The following CEMIP variants were observed in gnomAD, a reference collection of about 807,000 sequenced individuals.
CEMIP encodes the protein cell migration-inducing and hyaluronan-binding protein.
A neutral mutation model predicts 156.9 loss-of-function variants in CEMIP; 105 were observed. The observed-to-expected ratio is 0.67, with a 90% CI of 0.57 to 0.79. CEMIP has a LOEUF of 0.79. Among genes scored for constraint, CEMIP ranks in the 30% least tolerant of loss-of-function variants. The pLI, the probability that CEMIP is intolerant of heterozygous loss-of-function variation, is 0.00. For synonymous variants in CEMIP, 676 were observed against 668.4 expected (o/e 1.01, Z -0.17); for missense variants, 1,457 against 1,769.4 (o/e 0.82, Z 3.17).
intron 1 of CEMIP, among the ~76,000 whole-genome samples, chr15:80,862,660 G>A (rs1399173949): frequency 6.6e-6 from 1 of 152,224 alleles, no homozygotes; most frequent in Non-Finnish European, 1.5e-5. Context: ...ACTGGGGGGA[G>A]AATCCCTCAT....
At chr15:80,925,143 A>ATC (rs1437392567) in intron 18 of CEMIP, among the ~76,000 whole-genome samples, 2 of 152,236 alleles carry the variant, frequency 1.3e-5, no homozygotes, top group Non-Finnish European at 2.9e-5. Context: ...GTAATTAGCA[A>ATC]AACCAATCTC....
intron 6 of CEMIP, 59 bp from the exon 7 acceptor site, chr15:80,884,116 A>C: frequency 1.3e-6 from 2 of 1,543,576 alleles, no homozygotes; most frequent in Non-Finnish European, 1.8e-6. Context: ...ATGTGCTTAG[A>C]GCTCTTTGTT....
In CEMIP at chr15:80,949,151, A is replaced by C; in HGVS notation, c.*227A>C. 3.3e-6 allele frequency: 2 copies of C among 599,564 alleles called. No homozygotes were observed. The highest frequency in any genetic ancestry group is 2.7e-5 in the Admixed American group (1 of 36,448). 37.1% of individuals were successfully genotyped at this position (599,564 alleles called of 1,614,324 possible). On this transcript the variant is annotated 3_prime_UTR_variant, in exon 30 of 30. Transcript: ENST00000394685. The stretch of plus-strand genomic sequence containing the variant: ...CTGGGGCGGTGCTGGCCAATGCTGG[A>C]AACATTCACTTTCCTGCAGCCTCTT...
rs1899818448 is a variant in CEMIP, at chr15:80,906,682, C to T, written c.1431C>T (p.His477=). 3.1e-6 allele frequency: 5 copies of T among 1,613,750 alleles called. No individual in the cohort carries two copies. Among genetic ancestry groups the T allele is most frequent in the South Asian group, 1.1e-5 (1 of 91,070 alleles). ...CCCTAGGGAAACCAATGTACCTGCA[C>T]ATCGGGGAGGAGATAGACGGCGTGG... ...VKVAGKPMYL[H]IGEEIDGVDM... Residue 477 remains histidine, a synonymous_variant, in exon 13 of 30, where the codon CAC becomes CAT. Coordinates refer to ENST00000394685, the MANE Select transcript of CEMIP (RefSeq NM_001293298.2). The surrounding 1 kb of genome is among the most constrained non-coding windows in gnomAD (Gnocchi z 4.3).
chr15:80,925,851 A>C, intron 19 of CEMIP, 96 bp downstream of exon 19: 1 of 1,501,808 alleles, frequency 6.7e-7, no homozygotes, highest in South Asian at 1.3e-5. Context: ...AGAGAGGGGA[A>C]GCCAGACATA....
At chr15:80,795,145 A>C (rs1176069833) in intron 1 of CEMIP, among the ~76,000 whole-genome samples, 2 of 152,132 alleles carry the variant, frequency 1.3e-5, no homozygotes, top group East Asian at 3.9e-4. Context: ...GAAGGGGATC[A>C]TGCAGCATCT....
At chr15:80,928,817 G>A in intron 19 of CEMIP, 85 bp from the exon 20 acceptor site, 4 of 1,549,792 alleles carry the variant, frequency 2.6e-6, no homozygotes, top group Non-Finnish European at 1.8e-6. Flanking sequence ...TTGACTCCAA[G>A]GGCAGGGAAG....
Position 80,895,134 on chromosome 15 carries a change from C to T in CEMIP, c.1219+12C>T, listed in dbSNP as rs1319285949. On this transcript the variant is annotated intron_variant, in intron 11 of 29. Transcript: ENST00000394685. ...CTGTGGGAAGCCTGGTAAGCAGCCC[C>T]TTGTCGGGGACACAGATGCAACTAT... is the stretch of plus-strand genomic sequence containing the variant. 3.1e-6 allele frequency: 5 copies of T among 1,614,002 alleles called. No homozygotes were observed. The highest frequency in any genetic ancestry group is 1.3e-5 in the African/African-American group (1 of 74,934).
chr15:80,838,312 C>T (rs918402095), intron 1 of CEMIP, among the ~76,000 whole-genome samples: 3 of 152,064 alleles, frequency 2.0e-5, no homozygotes, highest in African/African-American at 7.2e-5. Flanking sequence ...CCTGCTGGCC[C>T]GTGGGTGATG....
intron 1 of CEMIP, among the ~76,000 whole-genome samples, chr15:80,855,665 G>A (rs1362064736): frequency 2.6e-5 from 4 of 152,090 alleles, no homozygotes; most frequent in Admixed American, 1.3e-4. Flanking sequence ...TGGGACCATA[G>A]GCATATGCCA....
intron 1 of CEMIP, among the ~76,000 whole-genome samples, chr15:80,851,622 T>C (rs1897718528): frequency 6.6e-6 from 1 of 152,096 alleles, no homozygotes; most frequent in South Asian, 2.1e-4. Flanking sequence ...CCTCCAGGCA[T>C]TGGTGCTGGA....
chr15:80,926,165 AGAC>A (rs1469021648), intron 19 of CEMIP, among the ~76,000 whole-genome samples: 2 of 152,242 alleles, frequency 1.3e-5, no homozygotes, highest in African/African-American at 4.8e-5. Context: ...TCCATTTTAG[AGAC>A]GATAAACTGA....
chr15:80,817,573 C>T (rs1436086118), intron 1 of CEMIP, among the ~76,000 whole-genome samples: 1 of 150,320 alleles, frequency 6.7e-6, no homozygotes, highest in Admixed American at 6.7e-5. Flanking sequence ...TGCACTCCAG[C>T]CTGAGTGACA....
At chr15:80,899,821 G>T (rs1371635404) in intron 12 of CEMIP, among the ~76,000 whole-genome samples, 3 of 152,326 alleles carry the variant, frequency 2.0e-5, no homozygotes, top group Non-Finnish European at 4.4e-5. Context: ...AAACCCTTGG[G>T]TCTTCACTGA....
intron 29 of CEMIP, 168 bp from the exon 30 acceptor site, chr15:80,948,629 G>A: frequency 1.1e-6 from 1 of 886,044 alleles, no homozygotes. Context: ...ACACATGTCA[G>A]GCACCATCAG....
chr15:80,943,184 C>A, intron 28 of CEMIP, 82 bp downstream of exon 28: 2 of 1,438,246 alleles, frequency 1.4e-6, no homozygotes, highest in Non-Finnish European at 9.8e-7. Context: ...TCACAAAGGC[C>A]CTCATCACAG....
Position 80,878,733 on chromosome 15 carries a change from G to A in CEMIP, c.107G>A (p.Cys36Tyr). The A allele has an allele frequency of 6.2e-7, 1 of 1,614,122 alleles. No homozygotes were observed. The highest frequency in any genetic ancestry group is 8.5e-7 in the Non-Finnish European group (1 of 1,180,020). Residue 36 changes from cysteine to tyrosine, a missense_variant, in exon 4 of 30, where the codon TGC becomes TAC. By Grantham distance (194) the Cys-to-Tyr change is radical (BLOSUM62 -2). Around this residue, in one of 5 missense-constraint regions of CEMIP, gnomAD observed 309 missense variants for 340.8 expected, o/e 0.91. Transcript: ENST00000394685. The stretch of plus-strand genomic sequence containing the variant: ...CTGTCCTTGGCAGTGGCTGCTGGGT[G>A]CCCTGACCAGAGCCCTGAGTTGCAA... ...PGATSTVAAGCPDQSPELQPW... is the reference protein window; with the variant it reads ...PGATSTVAAGYPDQSPELQPW...
At position 80,949,456 on chromosome 15, in the gene CEMIP, G is replaced by C. The variant is rs1901724353; in HGVS notation, c.*532G>C. 1 of 189,278 alleles carries C rather than the reference G, an allele frequency of 5.3e-6. No individual in the cohort carries two copies. Among genetic ancestry groups the C allele is most frequent in the Admixed American group, 5.3e-5 (1 of 18,856 alleles). 11.7% of individuals were successfully genotyped at this position (189,278 alleles called of 1,614,324 possible). On this transcript the variant is annotated 3_prime_UTR_variant, in exon 30 of 30. Coordinates refer to ENST00000394685, the MANE Select transcript of CEMIP (RefSeq NM_001293298.2). ...GCTGGGGTAGAACTGGCTATCCTTGGGGAAGAGGCAAGCCCTGCCTCTGGC... is the reference window on the plus strand; with the variant it reads ...GCTGGGGTAGAACTGGCTATCCTTGCGGAAGAGGCAAGCCCTGCCTCTGGC...
At chr15:80,931,572 CTCATCCATCCAT>C (rs1466120689) in intron 21 of CEMIP, among the ~76,000 whole-genome samples, 1 of 152,156 alleles carries the variant, frequency 6.6e-6, no homozygotes, top group Non-Finnish European at 1.5e-5. Context: ...GGATATTCAA[CTCATCCATCCAT>C]TCATCCATCC....
Sources: allele counts gnomAD v4.1 joint callset (sites outside exome capture counted in the v4.1 genomes callset), GRCh38; gene constraint gnomAD v4.1.1; regional missense constraint gnomAD v4.1.1; non-coding constraint Gnocchi (gnomAD v3.1); transcripts MANE v1.5; gene names NCBI Gene and HGNC (gene_info 2026-07-23, HGNC 2026-07-21).